Variants in ARL15 observed in about 807,000 individuals in gnomAD.
ARL15 encodes ARF like GTPase 15.
ARL15 carries 19 observed loss-of-function variants against 25.2 expected under a neutral mutation model. The ratio of observed to expected loss-of-function variants is 0.75; its 90% CI spans 0.53 to 1.10. The LOEUF is 1.10. ARL15 is among the 50% of genes least tolerant of loss of function. The pLI is 0.00. For synonymous variants in ARL15, 94 were observed against 86.8 expected (o/e 1.08, Z -0.46); for missense variants, 220 against 246.0 (o/e 0.89, Z 0.71).
intron 4 of ARL15, among the ~76,000 whole-genome samples, chr5:53,982,859 C>T (rs1210120826): frequency 2.0e-5 from 3 of 152,168 alleles, no homozygotes; most frequent in Admixed American, 2.0e-4. Context: ...TGTTTCCTGA[C>T]TTTTTAATGA....
chr5:54,249,933 C>G (rs1415693973), intron 1 of ARL15, among the ~76,000 whole-genome samples: 1 of 152,196 alleles, frequency 6.6e-6, no homozygotes. Flanking sequence ...AGAATATATT[C>G]AATGACTGGT....
intron 4 of ARL15, among the ~76,000 whole-genome samples, chr5:54,066,537 T>C (rs1751239762): frequency 6.6e-6 from 1 of 152,142 alleles, no homozygotes; most frequent in Admixed American, 6.5e-5. Context: ...TCAAAATTGA[T>C]AATATCTTTG....
chr5:54,185,393 T>G (rs1755209528), intron 1 of ARL15, among the ~76,000 whole-genome samples: 1 of 152,208 alleles, frequency 6.6e-6, no homozygotes, highest in Non-Finnish European at 1.5e-5. Flanking sequence ...CCAAACTCCC[T>G]GAGTATCTTT....
At position 53,920,277 on chromosome 5, in the gene ARL15, T is replaced by C. The variant is rs187979891; in HGVS notation, c.463-33564A>G. ...CATATATGTAGGGTTGGAGGGTAAT[T>C]GAAGACATGATGATAGGGTCCCACA... On this transcript the variant is annotated intron_variant, in intron 4 of 4. Coordinates refer to ENST00000504924, the MANE Select transcript of ARL15 (RefSeq NM_019087.3). Among the ~76,000 whole-genome samples the C allele has an allele frequency of 2.0e-4, 31 of 152,284 alleles. No individual in the cohort carries two copies. In the South Asian group the frequency reaches 4.8e-3, roughly 23 times the overall value.
chr5:54,255,712 A>G (rs1376416325), intron 1 of ARL15, among the ~76,000 whole-genome samples: 4 of 152,218 alleles, frequency 2.6e-5, no homozygotes, highest in Non-Finnish European at 4.4e-5. Context: ...AAAACAGTCA[A>G]AACTTTGTTT....
At chr5:54,120,571 C>T (rs748660188) in intron 3 of ARL15, among the ~76,000 whole-genome samples, 3 of 152,096 alleles carry the variant, frequency 2.0e-5, no homozygotes, top group Non-Finnish European at 4.4e-5. Context: ...AGAAATGTTC[C>T]CTTCCGTACT....
intron 4 of ARL15, among the ~76,000 whole-genome samples, chr5:53,991,126 G>A (rs1392697524): frequency 6.6e-6 from 1 of 152,078 alleles, no homozygotes; most frequent in Admixed American, 6.6e-5. Context: ...TTATTTTATG[G>A]TCAAATTTTA....
chr5:53,938,888 A>G (rs1219150746), intron 4 of ARL15, among the ~76,000 whole-genome samples: 1 of 152,252 alleles, frequency 6.6e-6, no homozygotes, highest in African/African-American at 2.4e-5. Context: ...CGGTGTTTAC[A>G]GTATGCATCA....
chr5:54,293,018 T>C (rs143481230), intron 1 of ARL15, among the ~76,000 whole-genome samples: 16 of 152,350 alleles, frequency 1.1e-4, no homozygotes, highest in African/African-American at 3.8e-4. Flanking sequence ...TCAAATGTAC[T>C]GTATATAAAA....
intron 3 of ARL15, among the ~76,000 whole-genome samples, chr5:54,131,244 T>C (rs1296986343): frequency 1.3e-5 from 2 of 152,236 alleles, no homozygotes; most frequent in East Asian, 1.9e-4. Flanking sequence ...TTCAAGGCTC[T>C]TGATGATTTG....
chr5:54,196,454 G>A (rs531322328), intron 1 of ARL15, among the ~76,000 whole-genome samples: 5 of 152,176 alleles, frequency 3.3e-5, no homozygotes, highest in African/African-American at 1.2e-4. Flanking sequence ...TACATATATG[G>A]TCCTGTTTTC....
chr5:53,886,742 G>A, intron 4 of ARL15, 29 bp from the exon 5 acceptor site: 1 of 1,509,804 alleles, frequency 6.6e-7, no homozygotes, highest in South Asian at 1.3e-5. Flanking sequence ...AGATAAATAG[G>A]TTATTAATTA....
chr5:54,194,687 G>A (rs62370453), intron 1 of ARL15, among the ~76,000 whole-genome samples: 2,726 of 152,278 alleles, frequency 0.018, 37 homozygotes, highest in Non-Finnish European at 0.025. Flanking sequence ...CGTGAGGAGA[G>A]GAGGGAGGTA....
intron 1 of ARL15, among the ~76,000 whole-genome samples, chr5:54,209,535 A>G (rs1455860326): frequency 6.6e-6 from 1 of 152,176 alleles, no homozygotes; most frequent in Non-Finnish European, 1.5e-5. Flanking sequence ...ATAAAAACTA[A>G]ATAATAAAAA....
intron 4 of ARL15, among the ~76,000 whole-genome samples, chr5:53,962,514 A>G (rs1390357729): frequency 2.0e-5 from 3 of 152,154 alleles, no homozygotes; most frequent in Non-Finnish European, 4.4e-5. Flanking sequence ...TGTGTGTGTC[A>G]CTTTTTGAAC....
intron 1 of ARL15, among the ~76,000 whole-genome samples, chr5:54,207,380 C>T (rs1196801045): frequency 6.6e-6 from 1 of 152,172 alleles, no homozygotes; most frequent in East Asian, 1.9e-4. Flanking sequence ...TAAACACAGA[C>T]AGAGCATGCT....
At chr5:54,239,546 G>A (rs981638260) in intron 1 of ARL15, among the ~76,000 whole-genome samples, 13 of 152,170 alleles carry the variant, frequency 8.5e-5, no homozygotes, top group Non-Finnish European at 1.5e-4. Flanking sequence ...CTCTTTTGTA[G>A]TGAGAGAACT....
At chr5:54,124,658 A>G (rs189015544) in intron 3 of ARL15, among the ~76,000 whole-genome samples, 164 of 152,338 alleles carry the variant, frequency 1.1e-3, no homozygotes, top group African/African-American at 3.7e-3. Flanking sequence ...TAATAGATAT[A>G]TAAAAAACTT....
chr5:54,251,207 C>T (rs947265640), intron 1 of ARL15, among the ~76,000 whole-genome samples: 4 of 152,132 alleles, frequency 2.6e-5, no homozygotes, highest in African/African-American at 9.7e-5. Context: ...CTGGCTCACA[C>T]TTTTTATGAT....
Sources: allele counts gnomAD v4.1 joint callset (sites outside exome capture counted in the v4.1 genomes callset), GRCh38; gene constraint gnomAD v4.1.1; transcripts MANE v1.5; gene names NCBI Gene and HGNC (gene_info 2026-07-23, HGNC 2026-07-21).